CNTN3: variants seen among roughly 807,000 people sequenced by gnomAD.
CNTN3 encodes contactin-3.
CNTN3 carries 60 observed loss-of-function variants against 119.1 expected under a neutral mutation model. The ratio of observed to expected loss-of-function variants is 0.50; its 90% confidence interval spans 0.41 to 0.62. The LOEUF (loss-of-function observed/expected upper bound fraction) is 0.62, where lower values mean the gene tolerates loss of function less well. Among genes scored for constraint, CNTN3 ranks in the 20% least tolerant of loss-of-function variants. CNTN3 has a pLI of 0.00. For synonymous variants in CNTN3, 450 were observed against 438.7 expected (o/e 1.03, Z -0.32); for missense variants, 1,101 against 1,242.4 (o/e 0.89, Z 1.71).
chr3:74,303,010 T>C (rs1169259349), intron 13 of CNTN3, among the ~76,000 whole-genome samples: 3 of 152,172 alleles, frequency 2.0e-5, no homozygotes, highest in Non-Finnish European at 4.4e-5. Flanking sequence ...CAGTCAAAGA[T>C]TTCTGTAGCC....
At chr3:74,443,223 T>C (rs1425407565) in intron 4 of CNTN3, among the ~76,000 whole-genome samples, 2 of 152,112 alleles carry the variant, frequency 1.3e-5, no homozygotes, top group African/African-American at 2.4e-5. Flanking sequence ...TTCCAGAGCT[T>C]GACAGTGGGA....
Position 74,285,364 on chromosome 3 carries a change from T to C in CNTN3, c.2645A>G (p.Tyr882Cys), listed in dbSNP as rs762765527. ...AAAAGGCCCAGCGCCGGCACTGTTG[T>C]AAGCCCGGACAGCCGTGTAATAGGC... is the stretch of plus-strand genomic sequence containing the variant. ...NLAYYTAVRA[Y>C]NSAGAGPFSA... is the part of the protein sequence containing the mutation. The change falls in exon 20 of 23, where the codon TAC (tyrosine) becomes TGC (cysteine). Residue 882 changes from tyrosine to cysteine, a missense_variant. Tyr to Cys is a radical substitution (Grantham distance 194). Coordinates refer to ENST00000263665, the MANE Select transcript of CNTN3 (RefSeq NM_020872.3). The C allele has an allele frequency of 1.2e-6, 2 of 1,613,708 alleles. No homozygotes were observed. The highest frequency in any genetic ancestry group is 1.1e-5 in the South Asian group (1 of 91,030).
Position 74,499,694 on chromosome 3 carries a change from A to G in CNTN3, c.147T>C (p.His49=). 1.2e-6 allele frequency: 2 copies of G among 1,611,564 alleles called. No homozygotes were observed. Among genetic ancestry groups the G allele is most frequent in the South Asian group, 1.1e-5 (1 of 90,940 alleles). ...GTGATGGATTGCCTCTTGCTTCACA[A>G]TGCAAAGTTATTTTTTTATCTTCTG... ...VGSEDKKITL[H]CEARGNPSPH... is the part of the protein sequence containing the mutation. The change falls in exon 3 of 23, where the codon CAT becomes CAC. Residue 49 remains histidine (H), a synonymous_variant. Coordinates refer to ENST00000263665, the MANE Select transcript of CNTN3 (RefSeq NM_020872.3).
intron 5 of CNTN3, among the ~76,000 whole-genome samples, chr3:74,418,018 T>C (rs1011129292): frequency 6.6e-6 from 1 of 152,172 alleles, no homozygotes; most frequent in Admixed American, 6.5e-5. Context: ...AGCCTATCAA[T>C]CATCTGCTTC....
intron 20 of CNTN3, among the ~76,000 whole-genome samples, chr3:74,272,224 T>C (rs1490060610): frequency 6.6e-6 from 1 of 152,172 alleles, no homozygotes; most frequent in African/African-American, 2.4e-5. Context: ...TTAAGAAAGT[T>C]TATGAATTTG....
intron 1 of CNTN3, among the ~76,000 whole-genome samples, chr3:74,609,715 A>G (rs1705049272): frequency 6.6e-6 from 1 of 152,232 alleles, no homozygotes; most frequent in Admixed American, 6.5e-5. Context: ...TTGGTTACAT[A>G]TGGCAAGCTC....
chr3:74,501,560 A>G (rs1370094755), intron 2 of CNTN3, among the ~76,000 whole-genome samples: 2 of 152,110 alleles, frequency 1.3e-5, no homozygotes, highest in African/African-American at 4.8e-5. Flanking sequence ...AAGTCCTTTT[A>G]GCAAATTATC....
chr3:74,482,666 C>T (rs1285833830), intron 4 of CNTN3, among the ~76,000 whole-genome samples: 2 of 152,022 alleles, frequency 1.3e-5, no homozygotes, highest in African/African-American at 2.4e-5. Context: ...GAAGTTATGG[C>T]TAATCATATA....
At chr3:74,268,247 G>A (rs185965490) in intron 20 of CNTN3, among the ~76,000 whole-genome samples, 7 of 152,168 alleles carry the variant, frequency 4.6e-5, no homozygotes, top group African/African-American at 1.7e-4. Context: ...TTTGTCAATA[G>A]CAACACAGAT....
chr3:74,390,524 C>T (rs910119135), intron 5 of CNTN3, among the ~76,000 whole-genome samples: 1 of 151,926 alleles, frequency 6.6e-6, no homozygotes, highest in Non-Finnish European at 1.5e-5. Flanking sequence ...AGAGTTAACC[C>T]ATTTGGAAAC....
chr3:74,306,029 T>A (rs1443361805), intron 13 of CNTN3, among the ~76,000 whole-genome samples: 1 of 151,934 alleles, frequency 6.6e-6, no homozygotes, highest in Admixed American at 6.6e-5. Flanking sequence ...TATTAGCATA[T>A]CTTAACATTT....
intron 11 of CNTN3, among the ~76,000 whole-genome samples, chr3:74,348,200 C>T (rs930614488): frequency 6.6e-6 from 1 of 152,158 alleles, no homozygotes. Context: ...CACACACACA[C>T]ACAAAATGGT....
chr3:74,320,218 C>T (rs778570423), intron 13 of CNTN3, among the ~76,000 whole-genome samples: 32 of 152,244 alleles, frequency 2.1e-4, no homozygotes, highest in African/African-American at 7.0e-4. Flanking sequence ...CACATGCACA[C>T]GTGTGTTTAT....
chr3:74,611,490 G>C (rs548755694), intron 1 of CNTN3, among the ~76,000 whole-genome samples: 29 of 152,208 alleles, frequency 1.9e-4, no homozygotes, highest in African/African-American at 7.0e-4. Flanking sequence ...ATGAGTGCAG[G>C]GGAGACTATA....
chr3:74,304,719 A>G (rs1000638594), intron 13 of CNTN3, among the ~76,000 whole-genome samples: 1 of 152,224 alleles, frequency 6.6e-6, no homozygotes, highest in Non-Finnish European at 1.5e-5. Flanking sequence ...TAAAAAATGA[A>G]GCCATCTTCC....
intron 1 of CNTN3, among the ~76,000 whole-genome samples, chr3:74,567,247 C>T (rs574287011): frequency 1.3e-5 from 2 of 151,860 alleles, no homozygotes; most frequent in African/African-American, 4.8e-5. Flanking sequence ...CTCAAGTGAT[C>T]CTCCCAACTG....
chr3:74,587,241 G>C (rs1425251844), intron 1 of CNTN3, among the ~76,000 whole-genome samples: 1 of 151,836 alleles, frequency 6.6e-6, no homozygotes, highest in Non-Finnish European at 1.5e-5. Flanking sequence ...TCAACATCAG[G>C]GCTTATTTGT....
intron 13 of CNTN3, among the ~76,000 whole-genome samples, chr3:74,321,608 G>A (rs959982963): frequency 6.6e-6 from 1 of 152,156 alleles, no homozygotes; most frequent in Non-Finnish European, 1.5e-5. Context: ...ATCAGCAAAA[G>A]CTGATTCTTT....
chr3:74,611,237 C>T (rs1437963645), intron 1 of CNTN3, among the ~76,000 whole-genome samples: 1 of 152,132 alleles, frequency 6.6e-6, no homozygotes, highest in Non-Finnish European at 1.5e-5. Flanking sequence ...CCTTGCAAGG[C>T]AGGTTCTTGC....
Sources: allele counts gnomAD v4.1 joint callset (sites outside exome capture counted in the v4.1 genomes callset), GRCh38; gene constraint gnomAD v4.1.1; transcripts MANE v1.5; gene names NCBI Gene and HGNC (gene_info 2026-07-23, HGNC 2026-07-21).